EXOC6B: variants seen among roughly 807,000 people sequenced by gnomAD.
The protein encoded by EXOC6B is SEC15 homolog B.
A neutral mutation model predicts 113.5 loss-of-function variants in EXOC6B; 54 were observed. The observed-to-expected ratio is 0.48, with a 90% CI of 0.38 to 0.60. The LOEUF is 0.60. Among genes scored for constraint, EXOC6B ranks in the 20% least tolerant of loss-of-function variants. EXOC6B has a pLI of 0.00. For synonymous variants in EXOC6B, 357 were observed against 339.0 expected (o/e 1.05, Z -0.58); for missense variants, 797 against 977.5 (o/e 0.82, Z 2.46).
chr2:72,406,319 C>G (rs1338413547), intron 18 of EXOC6B, among the ~76,000 whole-genome samples: 1 of 151,928 alleles, frequency 6.6e-6, no homozygotes, highest in Non-Finnish European at 1.5e-5. Flanking sequence ...ACAAGGATAT[C>G]CAGGAATTGA....
chr2:72,785,086 G>C (rs542264828), intron 1 of EXOC6B, among the ~76,000 whole-genome samples: 1 of 152,294 alleles, frequency 6.6e-6, no homozygotes, highest in Admixed American at 6.5e-5. Flanking sequence ...AAATCCAGGG[G>C]GCAGTCAAAT....
At chr2:72,378,596 G>A (rs1175317305) in intron 19 of EXOC6B, among the ~76,000 whole-genome samples, 1 of 152,148 alleles carries the variant, frequency 6.6e-6, no homozygotes, top group Non-Finnish European at 1.5e-5. Flanking sequence ...CTCTGTGATG[G>A]CTGTAACTAG....
intron 6 of EXOC6B, among the ~76,000 whole-genome samples, chr2:72,606,416 T>C (rs1380361954): frequency 6.6e-6 from 1 of 152,100 alleles, no homozygotes; most frequent in East Asian, 1.9e-4. Context: ...ACTCTTCATT[T>C]ATATTAGTAC....
At chr2:72,460,764 T>C (rs542271451) in intron 18 of EXOC6B, among the ~76,000 whole-genome samples, 117 of 152,236 alleles carry the variant, frequency 7.7e-4, no homozygotes, top group Middle Eastern at 3.4e-3. Context: ...TTGGTGGGAC[T>C]GTAAACTAGT....
intron 8 of EXOC6B, among the ~76,000 whole-genome samples, chr2:72,554,913 A>AG (rs1703449195): frequency 6.7e-6 from 1 of 149,524 alleles, no homozygotes; most frequent in African/African-American, 2.5e-5. Flanking sequence ...CCAGACCCCC[A>AG]ACCCCTGACA....
intron 1 of EXOC6B, among the ~76,000 whole-genome samples, chr2:72,796,922 A>G (rs369851758): frequency 1.3e-5 from 2 of 152,262 alleles, no homozygotes; most frequent in African/African-American, 4.8e-5. Flanking sequence ...TCAAGAGGGA[A>G]TAAGATTGTA....
intron 19 of EXOC6B, among the ~76,000 whole-genome samples, chr2:72,363,020 A>C (rs1262868542): frequency 6.6e-6 from 1 of 152,102 alleles, no homozygotes; most frequent in Admixed American, 6.5e-5. Context: ...ACAATAGCCT[A>C]AGTTAGATCT....
chr2:72,648,524 C>T (rs1252966284), intron 6 of EXOC6B, among the ~76,000 whole-genome samples: 2 of 152,190 alleles, frequency 1.3e-5, no homozygotes, highest in Non-Finnish European at 2.9e-5. Context: ...AATCTTGGAA[C>T]CAACCCAAAT....
intron 1 of EXOC6B, among the ~76,000 whole-genome samples, chr2:72,787,728 G>A (rs1201546606): frequency 6.6e-6 from 1 of 152,106 alleles, no homozygotes; most frequent in East Asian, 1.9e-4. Flanking sequence ...CTCACTGCAG[G>A]TGATCCTCTT....
rs192575983 is a variant in EXOC6B, at chr2:72,417,358, A to G, written c.1981-37488T>C. 6.8e-4 allele frequency among the ~76,000 whole-genome samples: 103 copies of G among 152,258 alleles called. 1 individual carries two copies. In the East Asian group the frequency reaches 0.019, roughly 27 times the overall value. The stretch of plus-strand genomic sequence containing the variant: ...TTTTTAGTAGAGGCAGGGTTTCACC[A>G]TGTTGGCCAGGCTGGTCTCAAACTC... On this transcript the variant is annotated intron_variant, in intron 18 of 21. Transcript: ENST00000272427.
At chr2:72,499,522 C>T (rs1573264411) in intron 12 of EXOC6B, among the ~76,000 whole-genome samples, 1 of 150,144 alleles carries the variant, frequency 6.7e-6, no homozygotes, top group East Asian at 1.9e-4. Context: ...TGAGGTACTG[C>T]ACCCAGTCAG....
At chr2:72,726,149 G>A (rs1680287714) in intron 5 of EXOC6B, among the ~76,000 whole-genome samples, 1 of 152,188 alleles carries the variant, frequency 6.6e-6, no homozygotes, top group Non-Finnish European at 1.5e-5. Context: ...CATATTGTAT[G>A]ATTCCATTTA....
intron 8 of EXOC6B, among the ~76,000 whole-genome samples, chr2:72,554,228 T>C (rs1016926489): frequency 1.1e-4 from 16 of 152,158 alleles, no homozygotes; most frequent in Admixed American, 3.3e-4. Flanking sequence ...CCCTGAAAAA[T>C]GGAAGTCAAG....
chr2:72,646,005 C>G (rs182754539), intron 6 of EXOC6B, among the ~76,000 whole-genome samples: 4 of 152,026 alleles, frequency 2.6e-5, no homozygotes, highest in Admixed American at 2.0e-4. Context: ...AATCCAGGAG[C>G]TGGTTTTTTG....
intron 16 of EXOC6B, among the ~76,000 whole-genome samples, chr2:72,487,972 A>G (rs953285630): frequency 6.6e-6 from 1 of 152,214 alleles, no homozygotes; most frequent in African/African-American, 2.4e-5. Flanking sequence ...ATCACCTTGT[A>G]GTGGCAATAG....
At chr2:72,614,679 C>T (rs753491574) in intron 6 of EXOC6B, among the ~76,000 whole-genome samples, 6 of 152,082 alleles carry the variant, frequency 3.9e-5, no homozygotes, top group Admixed American at 1.3e-4. Flanking sequence ...CAAGTAAAAA[C>T]GTTAGCTAAA....
chr2:72,568,554 C>T (rs1021940051), intron 7 of EXOC6B, among the ~76,000 whole-genome samples: 2 of 151,894 alleles, frequency 1.3e-5, no homozygotes, highest in Non-Finnish European at 2.9e-5. Context: ...CACGCACGCA[C>T]GCACACACCT....
At position 72,583,714 on chromosome 2, in the gene EXOC6B, T is replaced by TTTTTTG. The variant is rs772203974; in HGVS notation, c.670-8052_670-8047dup. Among the ~76,000 whole-genome samples the TTTTTTG allele has an allele frequency of 3.8e-3, 550 of 144,672 alleles. 9 individuals carry two copies. The highest frequency in any genetic ancestry group is 0.015 in the African/African-American group (538 of 35,108). 94.9% of individuals were successfully genotyped at this position (144,672 alleles called of 152,430 possible). On this transcript the variant is annotated intron_variant, in intron 6 of 21. Transcript: ENST00000272427. ...AAAAGACCCTTAAAGTTCTCTGGTT[T>TTTTTTG]TTTTTGTTTTTGTTTTTGTTTTTTT...
At chr2:72,299,853 G>C (rs1403491021) in intron 20 of EXOC6B, among the ~76,000 whole-genome samples, 1 of 152,120 alleles carries the variant, frequency 6.6e-6, no homozygotes, top group Non-Finnish European at 1.5e-5. Flanking sequence ...TGTTTGCCTG[G>C]GTATCACCAG....
Sources: gnomAD v4.1 joint callset for allele counts (sites outside exome capture counted in the v4.1 genomes callset) on GRCh38, gnomAD v4.1.1 for gene constraint, MANE v1.5 for transcripts, NCBI Gene and HGNC (gene_info 2026-07-23, HGNC 2026-07-21) for gene names.